The following MBP variants were observed in gnomAD, a reference collection of about 807,000 sequenced individuals.
MBP encodes the protein Golli-MBP.
In MBP, 16 loss-of-function variants were observed where a neutral mutation model predicts 35.8. The ratio of observed to expected loss-of-function variants is 0.45; its 90% confidence interval spans 0.30 to 0.68. MBP has a LOEUF of 0.68. MBP is among the 30% of genes least tolerant of loss of function. The pLI, the probability that MBP is intolerant of heterozygous loss-of-function variation, is 0.08. For synonymous variants in MBP, 143 were observed against 159.6 expected (o/e 0.90, Z 0.78); for missense variants, 380 against 404.7 (o/e 0.94, Z 0.52).
At chr18:77,024,664 C>T (rs140067753) in intron 3 of MBP, among the ~76,000 whole-genome samples, 46 of 152,310 alleles carry the variant, frequency 3.0e-4, no homozygotes, top group African/African-American at 1.1e-3. Context: ...AATCGGCCGT[C>T]GTGGCAGCGC....
At chr18:77,126,144 C>T (rs1462095191) in intron 1 of MBP, among the ~76,000 whole-genome samples, 1 of 152,148 alleles carries the variant, frequency 6.6e-6, no homozygotes. Flanking sequence ...ATCAATATCT[C>T]ACAAACACTT....
rs764803706 is a variant in MBP at position 77,017,158 on chromosome 18, C to T, written c.250G>A (p.Asp84Asn). Reference protein sequence around the residue: ...KNAWQDAHPADPGSRPHLIRL... With the variant: ...KNAWQDAHPANPGSRPHLIRL... The stretch of plus-strand genomic sequence containing the variant: ...ATCAAGTGGGGGCGGCTCCCTGGGT[C>T]AGCTGGGTGGGCATCCTGCCAGGCA... Residue 84 changes from aspartate (D) to asparagine (N), a missense_variant, in exon 4 of 9, where the codon GAC (aspartate) becomes AAC (asparagine). Asp to Asn is a conservative substitution (Grantham distance 23). Coordinates refer to ENST00000355994, the MANE Select transcript of MBP (RefSeq NM_001025101.2). 7.7e-6 allele frequency: 12 copies of T among 1,555,920 alleles called. No individual in the cohort carries two copies. The highest frequency in any genetic ancestry group is 1.0e-5 in the Non-Finnish European group (12 of 1,149,238).
At chr18:77,105,768 C>A (rs539994733) in intron 1 of MBP, among the ~76,000 whole-genome samples, 3 of 152,186 alleles carry the variant, frequency 2.0e-5, no homozygotes, top group Non-Finnish European at 4.4e-5. Context: ...ACCATGTGAG[C>A]ACAGAAAGAG....
At chr18:77,133,376 G>C (rs548101241), upstream of MBP, 2 of 152,376 alleles carry the variant, frequency 1.3e-5, no homozygotes, top group Non-Finnish European at 2.9e-5. Flanking sequence ...CTGCAGGACC[G>C]GCGCAGGAAG....
chr18:77,072,139 GC>G (rs1974479011), intron 2 of MBP, among the ~76,000 whole-genome samples: 2 of 152,056 alleles, frequency 1.3e-5, no homozygotes, highest in African/African-American at 4.8e-5. Flanking sequence ...GATCCTGCCG[GC>G]GTACACACCC....
chr18:76,984,790 G>T lies in MBP; in HGVS notation c.855C>A (p.Ser285=). The change falls in exon 8 of 9, where the codon TCC becomes TCA. Residue 285 remains serine (S), a synonymous_variant. Coordinates refer to ENST00000355994, the MANE Select transcript of MBP (RefSeq NM_001025101.2). ...FKGVDAQGTL[S]KIFKLGGRDS... is the part of the protein sequence containing the mutation. The stretch of plus-strand genomic sequence containing the variant: ...GGTACCTTACCAGCTTAAAAATTTT[G>T]GAAAGCGTGCCCTGGGCATCGACTC... 1.2e-6 allele frequency: 2 copies of T among 1,614,044 alleles called. No homozygotes were observed. Among genetic ancestry groups the T allele is most frequent in the Non-Finnish European group, 1.7e-6 (2 of 1,180,038 alleles).
chr18:77,057,009 C>G (rs1973752886), intron 3 of MBP, among the ~76,000 whole-genome samples: 1 of 151,986 alleles, frequency 6.6e-6, no homozygotes, highest in African/African-American at 2.4e-5. Context: ...GTCTTTGGCC[C>G]AAAACAAACA....
In MBP at chr18:76,998,516, T is replaced by C. The variant is rs80072722; in HGVS notation, c.577-8456A>G. 4.5e-3 allele frequency among the ~76,000 whole-genome samples: 671 copies of C among 148,130 alleles called. 11 individuals are homozygous for C. The East Asian group carries it at 0.05, about 11-fold the overall frequency. On this transcript the variant is annotated intron_variant, in intron 4 of 8. Coordinates refer to ENST00000355994, the MANE Select transcript of MBP (RefSeq NM_001025101.2). ...GAGCCACGCTGATCTGATTTGGCCA[T>C]GACATTCCCATGCCCTCGGGTGACT...
rs569012142 is a variant in MBP, at chr18:77,106,627, A to G, written c.-25-1341T>C. On this transcript the variant is annotated intron_variant, in intron 1 of 8. Transcript: ENST00000355994. ...ATTTAAAACACGTGTACTTCAAGCA[A>G]CTTAGGTCAAAGTGCCCACAGATGA... Among the ~76,000 whole-genome samples, 7 of 152,212 alleles carry G rather than the reference A, an allele frequency of 4.6e-5. No individual in the cohort carries two copies. In the East Asian group the frequency reaches 5.8e-4, roughly 13 times the overall value.
chr18:77,112,941 A>G (rs1048309040), intron 1 of MBP: 1 of 151,798 alleles, frequency 6.6e-6, no homozygotes, highest in African/African-American at 2.4e-5. Flanking sequence ...GAGAAAGGAG[A>G]GGGATTTTTT....
intron 2 of MBP, among the ~76,000 whole-genome samples, chr18:77,087,041 G>T (rs747349004): frequency 2.0e-5 from 3 of 152,136 alleles, no homozygotes; most frequent in Non-Finnish European, 4.4e-5. Flanking sequence ...AAAAATAAAT[G>T]GTTCATCAAT....
rs189152755 is a variant in MBP at position 77,062,326 on chromosome 18, A to G, written c.139+3972T>C. On this transcript the variant is annotated intron_variant, in intron 3 of 8. Coordinates refer to ENST00000355994, the MANE Select transcript of MBP (RefSeq NM_001025101.2). ...CCGCCTGGTTTCTAAGGAGGAGGAC[A>G]GTGTGTGCACTACCTGTGGGTGTGT... 3.9e-5 allele frequency among the ~76,000 whole-genome samples: 6 copies of G among 152,300 alleles called. No homozygotes were observed. In the East Asian group the frequency reaches 1.2e-3, roughly 29 times the overall value.
chr18:77,069,025 G>A (rs756936639), intron 2 of MBP: 2 of 482,914 alleles, frequency 4.1e-6, no homozygotes, highest in Admixed American at 2.1e-5. Context: ...CCAGCAGCCT[G>A]TGACTTCTGC....
chr18:76,980,355 G>T lies in MBP; in HGVS notation c.*72C>A. Reference sequence around the variant, plus strand: ...CATCTGCTCTAATTAGGTAACAGGGGCAAGTGGGATTAAAGTTTTAAGGCA... The same window carrying T: ...CATCTGCTCTAATTAGGTAACAGGGTCAAGTGGGATTAAAGTTTTAAGGCA... On this transcript the variant is annotated 3_prime_UTR_variant, in exon 9 of 9. Coordinates refer to ENST00000355994, the MANE Select transcript of MBP (RefSeq NM_001025101.2). 7.3e-7 allele frequency: 1 copy of T among 1,378,172 alleles called. No individual in the cohort carries two copies. The highest frequency in any genetic ancestry group is 1.0e-6 in the Non-Finnish European group (1 of 964,492). The allele number at this position is 1,378,172 out of a possible 1,614,324, so 85.4% of individuals were successfully genotyped here. A position where few individuals can be genotyped will look rare whatever the true frequency, so the allele number is the denominator to read the frequency against.
At chr18:77,052,907 T>C (rs761063390) in intron 3 of MBP, among the ~76,000 whole-genome samples, 9 of 152,182 alleles carry the variant, frequency 5.9e-5, no homozygotes, top group Non-Finnish European at 1.2e-4. Context: ...GTGGGCGCTG[T>C]GCCCTTGCCG....
chr18:77,036,424 G>T lies in MBP; in HGVS notation c.140-19156C>A, dbSNP rs551771487. 2.2e-5 allele frequency among the ~76,000 whole-genome samples: 3 copies of T among 138,508 alleles called. No homozygotes were observed. The South Asian group carries it at 7.0e-4, about 32-fold the overall frequency. 90.9% of individuals were successfully genotyped at this position (138,508 alleles called of 152,430 possible). On this transcript the variant is annotated intron_variant, in intron 3 of 8. Coordinates refer to ENST00000355994, the MANE Select transcript of MBP (RefSeq NM_001025101.2). ...TTTCAGAGGACTGAGCTGAGCAAGT[G>T]CTGGTCACATTTTGGAGGACTGAGC...
At chr18:77,115,764 G>A (rs1976639695) in intron 1 of MBP, 1 of 152,206 alleles carries the variant, frequency 6.6e-6, no homozygotes. Context: ...TCCTGCAGAA[G>A]AACTGGCTCT....
intron 1 of MBP, among the ~76,000 whole-genome samples, chr18:77,119,745 C>T (rs1188623659): frequency 1.3e-5 from 2 of 152,190 alleles, no homozygotes; most frequent in Non-Finnish European, 2.9e-5. Flanking sequence ...ACAAGGGACA[C>T]CCCAAGGGAA....
At chr18:77,078,282 T>C (rs962706120) in intron 2 of MBP, among the ~76,000 whole-genome samples, 4 of 152,202 alleles carry the variant, frequency 2.6e-5, no homozygotes, top group African/African-American at 9.7e-5. Flanking sequence ...AAGCTGCTTT[T>C]TGTCTACCTT....
Sources: gnomAD v4.1 joint callset for allele counts (sites outside exome capture counted in the v4.1 genomes callset) on GRCh38, gnomAD v4.1.1 for gene constraint, MANE v1.5 for transcripts, NCBI Gene and HGNC (gene_info 2026-07-23, HGNC 2026-07-21) for gene names.